TMTC2: variants seen among roughly 807,000 people sequenced by gnomAD.
TMTC2 encodes the protein transmembrane O-mannosyltransferase targeting cadherins 2.
Under a neutral mutation model 82.4 loss-of-function variants are expected in TMTC2, and 43 were observed. That is an observed-to-expected ratio of 0.52 (90% CI 0.41 to 0.67). The LOEUF is 0.67. Ranked by LOEUF, TMTC2 falls within the 30% of genes least tolerant of loss-of-function variation. TMTC2 has a pLI of 0.00. For missense variants in TMTC2, 919 were observed against 1,012.4 expected, an observed-to-expected ratio of 0.91 and a Z score of 1.25; for synonymous variants, 408 against 381.9, an observed-to-expected ratio of 1.07 and a Z score of -0.80.
chr12:82,949,402 A>G (rs1478656101), intron 4 of TMTC2, among the ~76,000 whole-genome samples: 1 of 152,224 alleles, frequency 6.6e-6, no homozygotes, highest in African/African-American at 2.4e-5. Context: ...GTGATTCCAG[A>G]AGATATATAT....
intron 1 of TMTC2, among the ~76,000 whole-genome samples, chr12:82,756,834 A>C (rs1876357377): frequency 6.6e-6 from 1 of 152,140 alleles, no homozygotes. Flanking sequence ...CAAATATCAC[A>C]CAGCTATAGT....
At chr12:83,076,227 G>A (rs1305797536) in intron 11 of TMTC2, among the ~76,000 whole-genome samples, 1 of 152,156 alleles carries the variant, frequency 6.6e-6, no homozygotes, top group Non-Finnish European at 1.5e-5. Flanking sequence ...CTGTATATAT[G>A]TGTGTTTTAG....
chr12:82,972,016 G>A (rs1049076141), intron 7 of TMTC2, among the ~76,000 whole-genome samples: 2 of 151,996 alleles, frequency 1.3e-5, no homozygotes, highest in African/African-American at 4.8e-5. Context: ...AAAATATTTT[G>A]TCTGTAGCTA....
At chr12:82,791,217 G>C (rs953850536) in intron 1 of TMTC2, among the ~76,000 whole-genome samples, 1 of 151,868 alleles carries the variant, frequency 6.6e-6, no homozygotes, top group African/African-American at 2.4e-5. Flanking sequence ...TATTACTAAG[G>C]TTTTTTATTT....
In TMTC2 at chr12:83,134,264, T is replaced by C. The variant is rs1004147119; in HGVS notation, c.*1875T>C. 2.6e-5 allele frequency: 4 copies of C among 151,314 alleles called. No homozygotes were observed. Among genetic ancestry groups the C allele is most frequent in the Non-Finnish European group, 5.9e-5 (4 of 67,876 alleles). The allele number at this position is 151,314 out of a possible 1,614,324, so 9.4% of individuals were successfully genotyped here. A position where few individuals can be genotyped will look rare whatever the true frequency, so the allele number is the denominator to read the frequency against. The stretch of plus-strand genomic sequence containing the variant: ...CAAAATAGTGGGTTGAAGTGTATTA[T>C]TCATCTTTTAGTGCATTGGCAATTG... On this transcript the variant is annotated 3_prime_UTR_variant, in exon 12 of 12. Coordinates refer to ENST00000321196, the MANE Select transcript of TMTC2 (RefSeq NM_152588.3).
chr12:82,698,527 A>G lies in TMTC2; in HGVS notation c.83+10858A>G, dbSNP rs369829463. Among the ~76,000 whole-genome samples, 68 of 152,324 alleles carry G rather than the reference A, an allele frequency of 4.5e-4. 1 individual carries two copies. Among genetic ancestry groups the G allele is most frequent in the East Asian group, 4.1e-3 (21 of 5,176 alleles). ...TGAATGACTTGGTTGATCACTGTAC[A>G]TTAAGTACAGCTGTCCCCGCTTATC... On this transcript the variant is annotated intron_variant, in intron 1 of 11. Coordinates refer to ENST00000321196, the MANE Select transcript of TMTC2 (RefSeq NM_152588.3).
At chr12:82,728,097 ACACATTAGAATTGCG>A (rs56889038) in intron 1 of TMTC2, among the ~76,000 whole-genome samples, 12,917 of 151,972 alleles carry the variant, frequency 0.085, 779 homozygotes, top group East Asian at 0.24. Context: ...TTTGCAATGC[ACACATTAGAATTGCG>A]CACATTAGAA....
At chr12:83,017,426 A>G (rs577151155) in intron 8 of TMTC2, among the ~76,000 whole-genome samples, 38 of 152,348 alleles carry the variant, frequency 2.5e-4, no homozygotes, top group Non-Finnish European at 4.9e-4. Context: ...CTTTCAGTAC[A>G]TATGTGGCCT....
chr12:82,973,328 C>T (rs552812100), intron 7 of TMTC2, among the ~76,000 whole-genome samples: 1 of 152,146 alleles, frequency 6.6e-6, no homozygotes, highest in East Asian at 1.9e-4. Flanking sequence ...TATTTCATTT[C>T]GTTTTTCCAT....
Position 82,832,239 on chromosome 12 carries a change from T to A in TMTC2, c.84-24771T>A, listed in dbSNP as rs537811929. Among the ~76,000 whole-genome samples, 9 of 152,156 alleles carry A rather than the reference T, an allele frequency of 5.9e-5. No individual in the cohort carries two copies. In the East Asian group the frequency reaches 1.7e-3, roughly 29 times the overall value. On this transcript the variant is annotated intron_variant, in intron 1 of 11. Coordinates refer to ENST00000321196, the MANE Select transcript of TMTC2 (RefSeq NM_152588.3). Reference sequence around the variant, plus strand: ...TTTGGCTGTGAAGTTAAAAAAAAAATCTTTAAAATATAACTCTGCAAGCTA... The same window carrying A: ...TTTGGCTGTGAAGTTAAAAAAAAAAACTTTAAAATATAACTCTGCAAGCTA...
intron 11 of TMTC2, among the ~76,000 whole-genome samples, chr12:83,086,294 G>A (rs1024946540): frequency 1.3e-5 from 2 of 152,096 alleles, no homozygotes; most frequent in Non-Finnish European, 2.9e-5. Context: ...ACAGTGGGGC[G>A]GCCGGGCAGA....
chr12:82,809,207 C>G (rs1879379179), intron 1 of TMTC2, among the ~76,000 whole-genome samples: 1 of 151,746 alleles, frequency 6.6e-6, no homozygotes, highest in African/African-American at 2.4e-5. Flanking sequence ...AAGAATATTC[C>G]AAATCTAGTT....
rs192286440 is a variant in TMTC2 at position 82,863,917 on chromosome 12, A to C, written c.654+6337A>C. ...TGGGAAGTGGTGAGGGTTATAAGGGAGCCATTGAGAATGGTGGGGGAGTTG... is the reference window on the plus strand; with the variant it reads ...TGGGAAGTGGTGAGGGTTATAAGGGCGCCATTGAGAATGGTGGGGGAGTTG... On this transcript the variant is annotated intron_variant, in intron 2 of 11. Coordinates refer to ENST00000321196, the MANE Select transcript of TMTC2 (RefSeq NM_152588.3). Among the ~76,000 whole-genome samples the C allele has an allele frequency of 1.5e-3, 233 of 152,244 alleles. 1 individual carries two copies. The highest frequency in any genetic ancestry group is 3.3e-3 in the Admixed American group (51 of 15,290).
intron 2 of TMTC2, among the ~76,000 whole-genome samples, chr12:82,888,266 T>C (rs1028979149): frequency 6.6e-6 from 1 of 152,196 alleles, no homozygotes; most frequent in African/African-American, 2.4e-5. Context: ...ATTTCTACTT[T>C]TACAACAAAG....
At chr12:83,045,052 T>C (rs1882036245) in intron 9 of TMTC2, among the ~76,000 whole-genome samples, 1 of 152,222 alleles carries the variant, frequency 6.6e-6, no homozygotes, top group Admixed American at 6.5e-5. Flanking sequence ...AAAAATCTAC[T>C]GAGTACTTTA....
intron 3 of TMTC2, among the ~76,000 whole-genome samples, chr12:82,920,713 A>G (rs1426055176): frequency 6.6e-6 from 1 of 152,146 alleles, no homozygotes; most frequent in African/African-American, 2.4e-5. Context: ...GAGCTTATCC[A>G]GTGATATTTA....
intron 9 of TMTC2, among the ~76,000 whole-genome samples, chr12:83,042,305 G>T (rs953841587): frequency 6.6e-6 from 1 of 152,080 alleles, no homozygotes; most frequent in African/African-American, 2.4e-5. Context: ...GAGTCCTCTT[G>T]TCTACCTCAT....
chr12:83,102,627 A>G (rs1220977527), intron 11 of TMTC2, among the ~76,000 whole-genome samples: 1 of 152,196 alleles, frequency 6.6e-6, no homozygotes, highest in Non-Finnish European at 1.5e-5. Context: ...TTGTAAGCTA[A>G]ACAAAGTGGA....
At chr12:82,692,128 A>G (rs1872604483) in intron 1 of TMTC2, among the ~76,000 whole-genome samples, 1 of 152,214 alleles carries the variant, frequency 6.6e-6, no homozygotes, top group Non-Finnish European at 1.5e-5. Context: ...TATCATAGTA[A>G]TTGACCCACA....
Sources: allele counts gnomAD v4.1 joint callset (sites outside exome capture counted in the v4.1 genomes callset), GRCh38; gene constraint gnomAD v4.1.1; transcripts MANE v1.5; gene names NCBI Gene and HGNC (gene_info 2026-07-23, HGNC 2026-07-21).